RBFOX1: variants seen among roughly 807,000 people sequenced by gnomAD.
The protein encoded by RBFOX1 is RNA binding protein fox-1 homolog 1.
Under a neutral mutation model 57.7 loss-of-function variants are expected in RBFOX1, and 8 were observed. The ratio of observed to expected loss-of-function variants is 0.14; its 90% CI spans 0.08 to 0.25. The LOEUF (loss-of-function observed/expected upper bound fraction) is 0.25, where lower values mean the gene tolerates loss of function less well. Ranked by LOEUF, RBFOX1 falls within the 10% of genes least tolerant of loss-of-function variation. The pLI, the probability that RBFOX1 is intolerant of heterozygous loss-of-function variation, is 1.00. For missense variants in RBFOX1, 611 were observed against 548.5 expected (o/e 1.11, Z -1.14); for synonymous variants, 326 against 222.4 (o/e 1.47, Z -4.15).
At chr16:7,706,441 G>C (rs1470322270) in intron 14 of RBFOX1, among the ~76,000 whole-genome samples, 1 of 152,178 alleles carries the variant, frequency 6.6e-6, no homozygotes, top group South Asian at 2.1e-4. Flanking sequence ...ACTATGCCCA[G>C]CGTTATAGAA....
chr16:6,953,382 TG>T (rs1363492632), intron 3 of RBFOX1, among the ~76,000 whole-genome samples: 3 of 146,846 alleles, frequency 2.0e-5, no homozygotes, highest in East Asian at 3.9e-4. Flanking sequence ...TGATTTTTTT[TG>T]TTGTTGTTAT....
chr16:6,390,398 G>A (rs2092539522), intron 2 of RBFOX1, among the ~76,000 whole-genome samples: 2 of 152,230 alleles, frequency 1.3e-5, no homozygotes, highest in South Asian at 4.1e-4. Flanking sequence ...TTTACTTTGT[G>A]CCAATTATTT....
chr16:5,395,934 C>G lies in RBFOX1; in HGVS notation c.220-71282C>G, dbSNP rs141360255. ...CCAGGAAATAAATTTTGCTGACAAC[C>G]CTCGGGAGCTTGGAAGCAGATTTTT... On this transcript the variant is annotated intron_variant, in intron 1 of 2. Coordinates refer to the RBFOX1 transcript ENST00000585867. 1.9e-3 allele frequency among the ~76,000 whole-genome samples: 287 copies of G among 152,276 alleles called. 1 individual carries two copies. Among genetic ancestry groups the G allele is most frequent in the African/African-American group, 6.5e-3 (270 of 41,544 alleles).
At chr16:6,684,312 T>G (rs2059111236) in intron 3 of RBFOX1, among the ~76,000 whole-genome samples, 2 of 152,232 alleles carry the variant, frequency 1.3e-5, no homozygotes, top group Admixed American at 6.5e-5. Flanking sequence ...ACTGTTTTAA[T>G]TAGCTAAAAG....
At chr16:6,436,930 G>A (rs924029412) in intron 2 of RBFOX1, among the ~76,000 whole-genome samples, 7 of 152,144 alleles carry the variant, frequency 4.6e-5, no homozygotes, top group South Asian at 2.1e-4. Context: ...CTCTCCAGTC[G>A]ATGGGCATAG....
At chr16:6,633,013 G>T (rs34995535) in intron 2 of RBFOX1, among the ~76,000 whole-genome samples, 9,612 of 152,178 alleles carry the variant, frequency 0.063, 395 homozygotes, top group Non-Finnish European at 0.091. Context: ...GGGATGGGGA[G>T]ACATTGAAAA....
At chr16:5,687,597 A>C (rs1180456580) in intron 3 of RBFOX1, among the ~76,000 whole-genome samples, 1 of 152,208 alleles carries the variant, frequency 6.6e-6, no homozygotes, top group Non-Finnish European at 1.5e-5. Context: ...GGCCTCTCTG[A>C]AAGCCATTTT....
chr16:7,372,901 T>G (rs2097595192), intron 4 of RBFOX1, among the ~76,000 whole-genome samples: 2 of 151,630 alleles, frequency 1.3e-5, no homozygotes. Flanking sequence ...TCTATAGTTT[T>G]GAAATTTATA....
At chr16:7,084,193 A>G (rs1346550028) in intron 4 of RBFOX1, among the ~76,000 whole-genome samples, 5 of 152,184 alleles carry the variant, frequency 3.3e-5, no homozygotes, top group Admixed American at 6.5e-5. Flanking sequence ...AGGCATTCAG[A>G]TGCAATTAAA....
chr16:5,789,346 G>T lies in RBFOX1; in HGVS notation c.319-77957G>T, dbSNP rs192142291. ...GTGTGTGGTGACAGTAAATGCTTCT[G>T]AGAAAGGGACAGAGACATCCTTGTG... On this transcript the variant is annotated intron_variant, in intron 3 of 19. Transcript: ENST00000641259. Among the ~76,000 whole-genome samples, 420 of 152,296 alleles carry T rather than the reference G, an allele frequency of 2.8e-3. 3 individuals are homozygous for T. The highest frequency in any genetic ancestry group is 9.5e-3 in the African/African-American group (393 of 41,558).
intron 4 of RBFOX1, among the ~76,000 whole-genome samples, chr16:7,474,642 G>A (rs73500364): frequency 0.07 from 10,722 of 152,208 alleles, 1,306 homozygotes; most frequent in African/African-American, 0.24. Context: ...CTCTAAAGTC[G>A]GACTGGCTTT....
rs377290683 is a variant in RBFOX1, at chr16:7,376,944, C to A, written c.28-141203C>A. On this transcript the variant is annotated intron_variant, in intron 4 of 15. Coordinates refer to ENST00000550418, the MANE Select transcript of RBFOX1 (RefSeq NM_018723.4). The stretch of plus-strand genomic sequence containing the variant: ...TGTTGTATGAATGACTGGCCTCATA[C>A]AAGAGGTAAACATAGTATCCTTGTA... 5.3e-5 allele frequency among the ~76,000 whole-genome samples: 8 copies of A among 152,216 alleles called. No homozygotes were observed. In the East Asian group the frequency reaches 1.2e-3, roughly 22 times the overall value.
At chr16:5,739,109 A>G (rs1022494961) in intron 3 of RBFOX1, among the ~76,000 whole-genome samples, 28 of 152,228 alleles carry the variant, frequency 1.8e-4, no homozygotes, top group Admixed American at 7.2e-4. Context: ...TCTTGGTTTA[A>G]GTATGTGTCT....
At chr16:6,160,765 C>A (rs771439463) in intron 1 of RBFOX1, among the ~76,000 whole-genome samples, 3 of 152,166 alleles carry the variant, frequency 2.0e-5, no homozygotes, top group African/African-American at 7.2e-5. Flanking sequence ...AGGAGCCATC[C>A]TTATTCCATC....
chr16:6,483,658 A>G, intron 2 of RBFOX1: 9 of 978,058 alleles, frequency 9.2e-6, no homozygotes, highest in South Asian at 1.9e-5. Flanking sequence ...CCTGAAGCCC[A>G]CTGACTCCGC....
At chr16:6,449,045 A>C (rs1597391338) in intron 2 of RBFOX1, among the ~76,000 whole-genome samples, 1 of 152,276 alleles carries the variant, frequency 6.6e-6, no homozygotes, top group East Asian at 1.9e-4. Context: ...GAAAGACATA[A>C]AGTCCTATAT....
At chr16:5,256,674 C>G (rs1429107464) in intron 1 of RBFOX1, among the ~76,000 whole-genome samples, 1 of 152,118 alleles carries the variant, frequency 6.6e-6, no homozygotes, top group Non-Finnish European at 1.5e-5. Context: ...GTGGCTCATG[C>G]CTGTAATCCT....
chr16:6,136,907 T>C (rs2096671192), intron 1 of RBFOX1, among the ~76,000 whole-genome samples: 1 of 152,204 alleles, frequency 6.6e-6, no homozygotes, highest in Admixed American at 6.5e-5. Context: ...TCATTTTTAA[T>C]CAGTCTCCTA....
chr16:6,433,593 A>T (rs140882028), intron 2 of RBFOX1, among the ~76,000 whole-genome samples: 2 of 152,314 alleles, frequency 1.3e-5, no homozygotes, highest in African/African-American at 4.8e-5. Flanking sequence ...AACCTTATGA[A>T]CGTATTATCC....
Sources: allele counts gnomAD v4.1 joint callset (sites outside exome capture counted in the v4.1 genomes callset), GRCh38; gene constraint gnomAD v4.1.1; transcripts MANE v1.5; gene names NCBI Gene and HGNC (gene_info 2026-07-23, HGNC 2026-07-21).